The following REC8 variants were observed in gnomAD, a reference collection of about 807,000 sequenced individuals.
The protein encoded by REC8 is meiotic recombination protein REC8 homolog.
REC8 carries 42 observed loss-of-function variants against 78.3 expected under a neutral mutation model. The observed-to-expected ratio is 0.54, with a 90% CI of 0.42 to 0.69. The LOEUF is 0.69. Ranked by LOEUF, REC8 falls within the 30% of genes least tolerant of loss-of-function variation. REC8 has a pLI of 0.00. For synonymous variants in REC8, 268 were observed against 274.1 expected (o/e 0.98, Z 0.22); for missense variants, 581 against 715.8 (o/e 0.81, Z 2.15).
chr14:24,175,472 A>G (rs1310357855), intron 5 of REC8, 71 bp from the exon 6 acceptor site: 1 of 1,164,358 alleles, frequency 8.6e-7, no homozygotes. Flanking sequence ...TTGTTGAAGA[A>G]GGCTGTGAAA....
At chr14:24,174,989 C>T (rs1444256896) in intron 5 of REC8, among the ~76,000 whole-genome samples, 1 of 149,406 alleles carries the variant, frequency 6.7e-6, no homozygotes, top group African/African-American at 2.5e-5. Flanking sequence ...GATAACGATG[C>T]ACTGCTGCTT....
intron 5 of REC8, 115 bp downstream of exon 5, chr14:24,173,526 G>A (rs757890220): frequency 1.3e-6 from 2 of 1,546,698 alleles, no homozygotes; most frequent in Non-Finnish European, 1.7e-6. Context: ...TCTCCCACAG[G>A]AGATGGTGCA....
intron 5 of REC8, 190 bp from the exon 6 acceptor site, chr14:24,175,353 G>A (rs964689549): frequency 1.8e-6 from 1 of 545,534 alleles, no homozygotes; most frequent in African/African-American, 1.9e-5. Flanking sequence ...GCGGGTTGGG[G>A]AGGGAGGTGA....
chr14:24,174,030 TG>T (rs1461909112), intron 5 of REC8, among the ~76,000 whole-genome samples: 2 of 151,762 alleles, frequency 1.3e-5, no homozygotes, highest in African/African-American at 4.8e-5. Context: ...CATGCCCAAC[TG>T]ATTTTGTATT....
Position 24,177,586 on chromosome 14 carries a change from A to G in REC8, c.814+45A>G, listed in dbSNP as rs1594421178. ...CAGGGGCTTTTCTGGGAGTACCTGG[A>G]TACTGCTGCAGACAAGGGCTTTATA... is the stretch of plus-strand genomic sequence containing the variant. On this transcript the variant is annotated intron_variant, in intron 10 of 18. Coordinates refer to ENST00000611366, the MANE Select transcript of REC8 (RefSeq NM_001048205.2). 6 of 1,591,936 alleles carry G rather than the reference A, an allele frequency of 3.8e-6. No individual in the cohort carries two copies. The East Asian group carries it at 1.3e-4, about 36-fold the overall frequency.
In REC8 at chr14:24,177,125, C is replaced by A. The variant is rs768792706; in HGVS notation, c.625-16C>A. On this transcript the variant is annotated splice_polypyrimidine_tract_variant and intron_variant, in intron 7 of 18. Coordinates refer to ENST00000611366, the MANE Select transcript of REC8 (RefSeq NM_001048205.2). ...TATTATTGAATCCCCTCCCCTTGCT[C>A]TTCCTCTCTGGACAGGGTGAACGGG... The A allele has an allele frequency of 6.2e-7, 1 of 1,612,744 alleles. No individual in the cohort carries two copies.
chr14:24,173,046 G>C lies in REC8; in HGVS notation c.268+5G>C. ...AACAATGCCAGTACCTCGTGGGTAA[G>C]GCTGGGAACCCTCAAAGGTGGGGCG... On this transcript the variant is annotated splice_donor_5th_base_variant and intron_variant, in intron 3 of 18. Coordinates refer to ENST00000611366, the MANE Select transcript of REC8 (RefSeq NM_001048205.2). 6.2e-7 allele frequency: 1 copy of C among 1,609,884 alleles called. No homozygotes were observed. The highest frequency in any genetic ancestry group is 8.5e-7 in the Non-Finnish European group (1 of 1,180,012).
downstream of REC8, chr14:24,180,562 G>C (rs768673914): frequency 7.4e-6 from 12 of 1,613,716 alleles, no homozygotes; most frequent in Non-Finnish European, 1.0e-5. Context: ...GCAACAGTGC[G>C]GCCTTGGTGT....
chr14:24,176,128 G>A (rs538670496), intron 6 of REC8, among the ~76,000 whole-genome samples: 105 of 151,360 alleles, frequency 6.9e-4, no homozygotes, highest in Non-Finnish European at 1.1e-3. Context: ...GTACAGTGGT[G>A]CACTTTAGGC....
chr14:24,180,422 G>A (rs760686412), downstream of REC8: 1 of 1,600,060 alleles, frequency 6.2e-7, no homozygotes, highest in Non-Finnish European at 8.5e-7. Flanking sequence ...ATTCTCTCTG[G>A]ACTGGCTGCA....
chr14:24,178,551 G>A, intron 12 of REC8, 55 bp from the exon 13 acceptor site: 1 of 1,570,476 alleles, frequency 6.4e-7, no homozygotes, highest in South Asian at 1.1e-5. Flanking sequence ...AGGCAAAGGG[G>A]CCCTGAGGAG....
chr14:24,177,895 C>CCAT, intron 11 of REC8, 137 bp downstream of exon 11: 1 of 1,474,648 alleles, frequency 6.8e-7, no homozygotes, highest in South Asian at 1.4e-5. Flanking sequence ...TTTCTACGCC[C>CCAT]CATCGTATCT....
At position 24,177,758 on chromosome 14, in the gene REC8, G is replaced by C; in HGVS notation, c.864G>C (p.Glu288Asp). The change falls in exon 11 of 19, where the codon GAG (glutamate) becomes GAC (aspartate). Residue 288 changes from glutamate (E) to aspartate (D), a missense_variant and splice_region_variant. Transcript: ENST00000611366. ...GTCTGCCAGCCCCACCCAGCCCAGA[G>C]GTGAGTAGCCTCCCTTCTAATCCTC... is the stretch of plus-strand genomic sequence containing the variant. ...ELRLPAPPSP[E>D]RRPPVPPPPR... is the part of the protein sequence containing the mutation. The C allele has an allele frequency of 6.2e-7, 1 of 1,603,278 alleles. No individual in the cohort carries two copies. Among genetic ancestry groups the C allele is most frequent in the Non-Finnish European group, 8.5e-7 (1 of 1,175,296 alleles).
In REC8 at chr14:24,175,625, G is replaced by C; in HGVS notation, c.544+1G>C. The C allele has an allele frequency of 6.2e-7, 1 of 1,612,362 alleles. No individual in the cohort carries two copies. The highest frequency in any genetic ancestry group is 1.1e-5 in the South Asian group (1 of 91,054). On this transcript the variant is annotated splice_donor_variant, in intron 6 of 18. Coordinates refer to ENST00000611366, the MANE Select transcript of REC8 (RefSeq NM_001048205.2). LOFTEE classifies it high-confidence loss of function. Reference sequence around the variant, plus strand: ...GTTCCTACAGAGCCCAGGGAGCCAGGTCAGCAGAGAGAACCTTCTTTCTGG... The same window carrying C: ...GTTCCTACAGAGCCCAGGGAGCCAGCTCAGCAGAGAGAACCTTCTTTCTGG...
chr14:24,178,245 C>T (rs762764980), intron 12 of REC8, 23 bp downstream of exon 12: 55 of 1,602,592 alleles, frequency 3.4e-5, no homozygotes, highest in East Asian at 2.2e-4. Flanking sequence ...CAGGCTTTGC[C>T]GGGGAAGGGA....
At chr14:24,177,936 G>GCAA in intron 11 of REC8, 155 bp from the exon 12 acceptor site, 1 of 1,500,412 alleles carries the variant, frequency 6.7e-7, no homozygotes, top group South Asian at 1.4e-5. Flanking sequence ...GTACCCTTAT[G>GCAA]CAAGGTATGA....
In REC8 at chr14:24,172,963, C is replaced by G. The variant is rs940841948; in HGVS notation, c.190C>G (p.Arg64Gly). ...QPPQPGLPRP[R>G]FSLYLSAQLQ... ...CCCGCAGCCCGGCCTGCCGCGGCCC[C>G]GCTTCTCCCTCTATCTCTCAGCCCA... The change falls in exon 3 of 19, where the codon CGC becomes GGC. Residue 64 changes from arginine (R) to glycine (G), a missense_variant. Transcript: ENST00000611366. 8 of 1,609,842 alleles carry G rather than the reference C, an allele frequency of 5.0e-6. No individual in the cohort carries two copies. The highest frequency in any genetic ancestry group is 5.9e-6 in the Non-Finnish European group (7 of 1,180,028).
chr14:24,179,056 G>T, intron 14 of REC8, 29 bp from the exon 15 acceptor site: 1 of 1,609,410 alleles, frequency 6.2e-7, no homozygotes, highest in East Asian at 2.2e-5. Flanking sequence ...AGATGCTTGG[G>T]GTCTTAGTTC....
In REC8 at chr14:24,178,683, T is replaced by G. The variant is rs2039016406; in HGVS notation, c.1063+11T>G. The G allele has an allele frequency of 6.2e-7, 1 of 1,613,840 alleles. No individual in the cohort carries two copies. The highest frequency in any genetic ancestry group is 1.1e-5 in the South Asian group (1 of 91,080). Reference sequence around the variant, plus strand: ...GAACCCCAACTCTCTGTAAGAATGGTGGGGGTTGGGCACGAAGTATCCTCA... The same window carrying G: ...GAACCCCAACTCTCTGTAAGAATGGGGGGGGTTGGGCACGAAGTATCCTCA... On this transcript the variant is annotated intron_variant, in intron 13 of 18. Transcript: ENST00000611366.
Sources: gnomAD v4.1 joint callset for allele counts (sites outside exome capture counted in the v4.1 genomes callset) on GRCh38, gnomAD v4.1.1 for gene constraint, MANE v1.5 for transcripts, NCBI Gene and HGNC (gene_info 2026-07-23, HGNC 2026-07-21) for gene names.